PTPN3: variants seen among roughly 807,000 people sequenced by gnomAD.
PTPN3 encodes the protein protein tyrosine phosphatase non-receptor type 3.
In PTPN3, 96 loss-of-function variants were observed where a neutral mutation model predicts 132.7. The observed-to-expected ratio is 0.72, with a 90% CI of 0.61 to 0.86. The LOEUF (loss-of-function observed/expected upper bound fraction) is 0.86, where lower values mean the gene tolerates loss of function less well. Among genes scored for constraint, PTPN3 ranks in the 40% least tolerant of loss-of-function variants. The pLI, the probability that PTPN3 is intolerant of heterozygous loss-of-function variation, is 0.00. For synonymous variants in PTPN3, 398 were observed against 429.0 expected (o/e 0.93, Z 0.89); for missense variants, 1,125 against 1,159.6 (o/e 0.97, Z 0.43).
chr9:109,470,694 C>CA (rs11387851), intron 1 of PTPN3, among the ~76,000 whole-genome samples: 135,241 of 143,958 alleles, frequency 0.94, 63,744 homozygotes, highest in South Asian at 0.99. Flanking sequence ...AGACCTCATC[C>CA]AAAAAAAAAA....
chr9:109,414,299 T>C (rs1588370484), intron 14 of PTPN3, among the ~76,000 whole-genome samples: 1 of 152,362 alleles, frequency 6.6e-6, no homozygotes, highest in African/African-American at 2.4e-5. Context: ...GGGGTCCTGC[T>C]GAATGCAGAG....
rs147102674 is a variant in PTPN3 at position 109,383,656 on chromosome 9, G to A, written c.2254-105C>T. ...GTTAGGCATCCTCTCATGCACACCC[G>A]AGAGCACTGATGGGAGAAAACAAAC... On this transcript the variant is annotated intron_variant, in intron 22 of 25. Transcript: ENST00000374541. 3.1e-4 allele frequency: 453 copies of A among 1,450,908 alleles called. 3 individuals are homozygous for A. The African/African-American group carries it at 5.6e-3, about 18-fold the overall frequency. 89.9% of individuals were successfully genotyped at this position (1,450,908 alleles called of 1,614,324 possible).
Position 109,404,596 on chromosome 9 carries a change from A to G in PTPN3, c.1805T>C (p.Phe602Ser), listed in dbSNP as rs949371683. ...LVIRRRAVRS[F>S]ADFKSEDELN... is the part of the protein sequence containing the mutation. ...TTCATCTTCAGACTTGAAGTCAGCA[A>G]ATGAGCGGACAGCTGTAACGTACAA... The change falls in exon 19 of 26, where the codon TTT becomes TCT. Residue 602 changes from phenylalanine to serine, a missense_variant. Phe to Ser is a radical substitution (Grantham distance 155). Coordinates refer to ENST00000374541, the MANE Select transcript of PTPN3 (RefSeq NM_002829.4). 3 of 1,540,920 alleles carry G rather than the reference A, an allele frequency of 1.9e-6. No homozygotes were observed. The East Asian group carries it at 6.9e-5, about 35-fold the overall frequency.
the PTPN3 span, among the ~76,000 whole-genome samples, chr9:109,538,265 T>C: frequency 6.6e-6 from 1 of 152,230 alleles, no homozygotes; most frequent in East Asian, 1.9e-4. Flanking sequence ...ATAATCCCTC[T>C]TGCTCCACCA....
chr9:109,413,168 A>T (rs1180360646), intron 14 of PTPN3, among the ~76,000 whole-genome samples: 1 of 150,038 alleles, frequency 6.7e-6, no homozygotes, highest in Non-Finnish European at 1.5e-5. Flanking sequence ...GTTAGTCAGG[A>T]TGGTCTCGAT....
chr9:109,437,588 C>A (rs959927443), intron 8 of PTPN3, among the ~76,000 whole-genome samples: 1 of 152,096 alleles, frequency 6.6e-6, no homozygotes, highest in African/African-American at 2.4e-5. Flanking sequence ...GAAGAGCAGC[C>A]AGAATTGGGC....
intron 25 of PTPN3, among the ~76,000 whole-genome samples, chr9:109,380,810 T>C (rs548785950): frequency 3.1e-4 from 47 of 152,312 alleles, no homozygotes; most frequent in African/African-American, 1.1e-3. Context: ...TGCTCCTTTC[T>C]TTGCTAACTC....
chr9:109,411,498 C>T (rs926688537), intron 14 of PTPN3, among the ~76,000 whole-genome samples: 2 of 152,130 alleles, frequency 1.3e-5, no homozygotes, highest in Non-Finnish European at 2.9e-5. Flanking sequence ...CAGCCCCTTC[C>T]GGAGCCACAG....
intron 1 of PTPN3, among the ~76,000 whole-genome samples, chr9:109,474,112 G>A (rs1846518883): frequency 6.6e-6 from 1 of 151,920 alleles, no homozygotes; most frequent in African/African-American, 2.4e-5. Context: ...TCCCCACTGC[G>A]CGCCACCTTG....
At chr9:109,444,785 T>C (rs1391579096) in intron 7 of PTPN3, among the ~76,000 whole-genome samples, 2 of 152,170 alleles carry the variant, frequency 1.3e-5, no homozygotes, top group Non-Finnish European at 2.9e-5. Context: ...AAGATCCCAG[T>C]AGTGTTTTAG....
chr9:109,534,632 C>CAAAAAAAAAAAAAAAAAAAAAA, the PTPN3 span, among the ~76,000 whole-genome samples: 10 of 108,686 alleles, frequency 9.2e-5, no homozygotes, highest in South Asian at 7.4e-4. Context: ...CAAAAAAATA[C>CAAAAAAAAAAAAAAAAAAAAAA]AAAAAAAAAA....
upstream of PTPN3, among the ~76,000 whole-genome samples, chr9:109,499,315 C>T (rs1228926342): frequency 6.6e-6 from 1 of 151,950 alleles, no homozygotes; most frequent in African/African-American, 2.4e-5. Context: ...TTGGGTGACA[C>T]TGAGAAGGTG....
At chr9:109,525,701 G>A in the PTPN3 span, among the ~76,000 whole-genome samples, 1 of 152,184 alleles carries the variant, frequency 6.6e-6, no homozygotes, top group Non-Finnish European at 1.5e-5. Context: ...GTTTCCCTCT[G>A]TGTTCAGGAA....
intron 2 of PTPN3, among the ~76,000 whole-genome samples, chr9:109,459,188 GGCCTCCTGGCCTGGCCCCT>G (rs1291174772): frequency 6.6e-6 from 1 of 152,226 alleles, no homozygotes; most frequent in East Asian, 1.9e-4. Flanking sequence ...AATAAGAAAA[GGCCTCCTGGCCTGGCCCCT>G]GCCCTCAAGA....
At chr9:109,440,170 C>T (rs1311235129) in intron 7 of PTPN3, among the ~76,000 whole-genome samples, 1 of 152,142 alleles carries the variant, frequency 6.6e-6, no homozygotes, top group African/African-American at 2.4e-5. Flanking sequence ...ATGCAAATTT[C>T]AGTTCTGGAA....
In PTPN3 at chr9:109,406,596, A is replaced by G; in HGVS notation, c.1658T>C (p.Leu553Pro). The change falls in exon 18 of 26, where the codon CTG (leucine) becomes CCG (proline). Residue 553 changes from leucine (L) to proline (P), a missense_variant. By Grantham distance (98) the Leu-to-Pro change is moderately conservative. Coordinates refer to ENST00000374541, the MANE Select transcript of PTPN3 (RefSeq NM_002829.4). Reference sequence around the variant, plus strand: ...TAACACGATTTGATCCCCTTCGTTCAGCTTAGGAATGCAGGTGTCCGCCTG... The same window carrying G: ...TAACACGATTTGATCCCCTTCGTTCGGCTTAGGAATGCAGGTGTCCGCCTG... ...ESPADTCIPK[L>P]NEGDQIVLIN... 6.2e-7 allele frequency: 1 copy of G among 1,614,094 alleles called. No homozygotes were observed. Among genetic ancestry groups the G allele is most frequent in the Non-Finnish European group, 8.5e-7 (1 of 1,179,980 alleles).
At chr9:109,476,144 C>T (rs200766315) in intron 1 of PTPN3, among the ~76,000 whole-genome samples, 12 of 152,132 alleles carry the variant, frequency 7.9e-5, no homozygotes, top group Admixed American at 4.6e-4. Context: ...ATATTAGGTT[C>T]GGTAACCCTG....
chr9:109,430,292 G>T (rs2131891357), intron 10 of PTPN3, among the ~76,000 whole-genome samples: 1 of 152,196 alleles, frequency 6.6e-6, no homozygotes, highest in Non-Finnish European at 1.5e-5. Flanking sequence ...GCCTTGTTTG[G>T]CCCATGGGTA....
intron 1 of PTPN3, among the ~76,000 whole-genome samples, chr9:109,470,083 T>C (rs1846301984): frequency 6.6e-6 from 1 of 152,014 alleles, no homozygotes; most frequent in Non-Finnish European, 1.5e-5. Context: ...CTCCAACAGA[T>C]GACCGATCTA....
Sources: allele counts gnomAD v4.1 joint callset (sites outside exome capture counted in the v4.1 genomes callset), GRCh38; gene constraint gnomAD v4.1.1; transcripts MANE v1.5; gene names NCBI Gene and HGNC (gene_info 2026-07-23, HGNC 2026-07-21).